ZNF385B: variants seen among roughly 807,000 people sequenced by gnomAD.
ZNF385B encodes zinc finger protein 385B.
A neutral mutation model predicts 39.2 loss-of-function variants in ZNF385B; 23 were observed. The ratio of observed to expected loss-of-function variants is 0.59; its 90% confidence interval spans 0.42 to 0.83. The LOEUF is 0.83. Ranked by LOEUF, ZNF385B falls within the 40% of genes least tolerant of loss-of-function variation. The pLI is 0.00. For missense variants in ZNF385B, 552 were observed against 598.9 expected (o/e 0.92, Z 0.82); for synonymous variants, 205 against 222.6 (o/e 0.92, Z 0.70).
rs544716600 is a variant in ZNF385B, at chr2:179,769,536, C to T, written c.265G>A (p.Ala89Thr). ...QLSDGQPPPP[A>T]QASPSSNSST... ...CTGTTGCTGCTGGGGCTGGCCTGGG[C>T]GGGTGGTGGGGGCTGCCCATCACTC... Residue 89 changes from alanine (A) to threonine (T), a missense_variant, in exon 3 of 10, where the codon GCC becomes ACC. Physicochemically the swap from Ala to Thr is moderately conservative, Grantham distance 58. Transcript: ENST00000410066. 42 of 1,613,896 alleles carry T rather than the reference C, an allele frequency of 2.6e-5. No homozygotes were observed. The highest frequency in any genetic ancestry group is 1.1e-4 in the East Asian group (5 of 44,878).
At chr2:179,782,409 A>G (rs1482954097) in intron 1 of ZNF385B, among the ~76,000 whole-genome samples, 5 of 152,068 alleles carry the variant, frequency 3.3e-5, no homozygotes, top group Non-Finnish European at 7.4e-5. Context: ...AAGCATTCTC[A>G]TTAAAAACCA....
intron 1 of ZNF385B, among the ~76,000 whole-genome samples, chr2:179,792,375 C>CTTTTTTTTTTTTTTTTT (rs374147864): frequency 1.7e-4 from 21 of 124,102 alleles, no homozygotes; most frequent in African/African-American, 5.9e-4. Context: ...ATTTTCTTTT[C>CTTTTTTTTTTTTTTTTT]TTTTTTTTTT....
chr2:179,639,248 A>AAAAAG (rs1288891564), intron 3 of ZNF385B, among the ~76,000 whole-genome samples: 32 of 98,942 alleles, frequency 3.2e-4, no homozygotes, highest in Non-Finnish European at 5.9e-4. Context: ...AAAAAAAAAA[A>AAAAAG]AGGGGGAGAA....
intron 3 of ZNF385B, among the ~76,000 whole-genome samples, chr2:179,625,672 A>G: frequency 6.6e-6 from 1 of 152,108 alleles, no homozygotes; most frequent in Non-Finnish European, 1.5e-5. Flanking sequence ...AAAGTCCCTG[A>G]CCTCAAAAGT....
At position 179,615,613 on chromosome 2, in the gene ZNF385B, T is replaced by C. The variant is rs546305736; in HGVS notation, c.299-70644A>G. Among the ~76,000 whole-genome samples the C allele has an allele frequency of 2.0e-5, 3 of 152,316 alleles. No individual in the cohort carries two copies. In the South Asian group the frequency reaches 6.2e-4, roughly 32 times the overall value. On this transcript the variant is annotated intron_variant, in intron 3 of 9. Transcript: ENST00000410066. ...AAATACAGGATATTCTGCACAGAAA[T>C]TTTTGAAAATCTGTTATAGAACAGT...
In ZNF385B at chr2:179,443,019, G is replaced by A. The variant is rs2049098460; in HGVS notation, c.*231C>T. On this transcript the variant is annotated 3_prime_UTR_variant, in exon 10 of 10. Transcript: ENST00000410066. ...AATTGAACGCGGTAGGGTGGGGGAG[G>A]AAGTAGGGAGATAAAGCCTATGCTG... 1 of 606,250 alleles carries A rather than the reference G, an allele frequency of 1.6e-6. No homozygotes were observed. The highest frequency in any genetic ancestry group is 1.9e-5 in the South Asian group (1 of 51,520). 37.6% of individuals were successfully genotyped at this position (606,250 alleles called of 1,614,324 possible). A position where few individuals can be genotyped will look rare whatever the true frequency, so the allele number is the denominator to read the frequency against.
intron 6 of ZNF385B, among the ~76,000 whole-genome samples, chr2:179,469,366 A>C (rs754149394): frequency 1.6e-4 from 24 of 152,202 alleles, no homozygotes; most frequent in Non-Finnish European, 3.2e-4. Flanking sequence ...TTGCATTCAA[A>C]GTCTTGGGCT....
At chr2:179,734,774 T>C (rs963487865) in intron 3 of ZNF385B, among the ~76,000 whole-genome samples, 10 of 152,218 alleles carry the variant, frequency 6.6e-5, no homozygotes, top group South Asian at 2.1e-4. Context: ...AGAATATGTA[T>C]ACTGCCTGAG....
intron 3 of ZNF385B, among the ~76,000 whole-genome samples, chr2:179,733,606 C>A (rs962429782): frequency 3.3e-5 from 5 of 152,008 alleles, no homozygotes; most frequent in African/African-American, 1.2e-4. Context: ...CAGGGTGAAA[C>A]CCCGTCTCTA....
At chr2:179,658,281 A>T (rs1281984042) in intron 3 of ZNF385B, among the ~76,000 whole-genome samples, 1 of 152,168 alleles carries the variant, frequency 6.6e-6, no homozygotes. Context: ...AATCACCAAC[A>T]TCACTTATTT....
chr2:179,641,541 T>C (rs1692267654), intron 3 of ZNF385B, among the ~76,000 whole-genome samples: 3 of 152,146 alleles, frequency 2.0e-5, no homozygotes, highest in Admixed American at 6.6e-5. Context: ...AAATGGACTC[T>C]TGGAAATTAC....
intron 3 of ZNF385B, among the ~76,000 whole-genome samples, chr2:179,678,017 C>T (rs1697083659): frequency 6.6e-6 from 1 of 151,192 alleles, no homozygotes; most frequent in Admixed American, 6.6e-5. Flanking sequence ...ATAAATAGCT[C>T]TTTTTTTTTC....
At chr2:179,445,134 C>T (rs1034749320) in intron 8 of ZNF385B, among the ~76,000 whole-genome samples, 157 bp from the exon 9 acceptor site, 1 of 152,006 alleles carries the variant, frequency 6.6e-6, no homozygotes, top group African/African-American at 2.4e-5. Context: ...AGACTTAGTC[C>T]TCCCTCAATT....
intron 5 of ZNF385B, among the ~76,000 whole-genome samples, chr2:179,486,993 C>A (rs75248172): frequency 0.018 from 2,753 of 152,290 alleles, 82 homozygotes; most frequent in African/African-American, 0.062. Flanking sequence ...TATCATAAGA[C>A]CTGCTAAAAA....
chr2:179,727,326 C>T (rs1279905003), intron 3 of ZNF385B, among the ~76,000 whole-genome samples: 2 of 151,984 alleles, frequency 1.3e-5, no homozygotes, highest in African/African-American at 2.4e-5. Context: ...ATATAAAATA[C>T]CACCGATTTA....
At chr2:179,783,238 T>C (rs1022104319) in intron 1 of ZNF385B, among the ~76,000 whole-genome samples, 1 of 151,890 alleles carries the variant, frequency 6.6e-6, no homozygotes, top group Non-Finnish European at 1.5e-5. Flanking sequence ...GGGAGTAGAG[T>C]CCCTATTCGA....
At chr2:179,664,808 C>G (rs1482080540) in intron 3 of ZNF385B, among the ~76,000 whole-genome samples, 1 of 151,936 alleles carries the variant, frequency 6.6e-6, no homozygotes, top group African/African-American at 2.4e-5. Context: ...TGTTTGTGCA[C>G]ATTTACAGAA....
At chr2:179,463,392 T>C (rs899445624) in intron 6 of ZNF385B, among the ~76,000 whole-genome samples, 14 of 152,130 alleles carry the variant, frequency 9.2e-5, no homozygotes, top group African/African-American at 3.4e-4. Flanking sequence ...ATGGGGTACA[T>C]GTGCAGAACG....
At chr2:179,790,456 T>G (rs1338220005) in intron 1 of ZNF385B, among the ~76,000 whole-genome samples, 5 of 152,178 alleles carry the variant, frequency 3.3e-5, no homozygotes, top group Admixed American at 6.5e-5. Flanking sequence ...AGTGTCTGAT[T>G]CAGTAAATTT....
Sources: gnomAD v4.1 joint callset for allele counts (sites outside exome capture counted in the v4.1 genomes callset) on GRCh38, gnomAD v4.1.1 for gene constraint, MANE v1.5 for transcripts, NCBI Gene and HGNC (gene_info 2026-07-23, HGNC 2026-07-21) for gene names.